Variants in KIF7 observed in about 807,000 individuals in gnomAD.
KIF7 encodes the protein kinesin-like protein KIF7.
KIF7 carries 104 observed loss-of-function variants against 135.7 expected under a neutral mutation model. The observed-to-expected ratio is 0.77, with a 90% CI of 0.65 to 0.90. The LOEUF (loss-of-function observed/expected upper bound fraction) is 0.90, where lower values mean the gene tolerates loss of function less well. Among genes scored for constraint, KIF7 ranks in the 40% least tolerant of loss-of-function variants. The probability of loss-of-function intolerance (pLI) is 0.00; values close to 1 mark genes in which losing one functional copy is unlikely to be tolerated. For missense variants in KIF7, 2,005 were observed against 1,839.1 expected (o/e 1.09, Z -1.65); for synonymous variants, 883 against 809.4 (o/e 1.09, Z -1.54).
At chr15:89,627,116 A>G (rs748870131), downstream of KIF7, 3 of 1,613,058 alleles carry the variant, frequency 1.9e-6, no homozygotes, top group South Asian at 1.1e-5. Flanking sequence ...CAAAAGATCA[A>G]GGAGTCAGCC....
At chr15:89,621,522 T>C (rs748339242) in intron 1 of KIF7, 32 of 1,613,648 alleles carry the variant, frequency 2.0e-5, no homozygotes, top group Non-Finnish European at 2.6e-5. Flanking sequence ...AGAAACACTT[T>C]GGATTCGGAG....
intron 11 of KIF7, among the ~76,000 whole-genome samples, chr15:89,635,631 A>C (rs1262014663): frequency 6.6e-6 from 1 of 152,182 alleles, no homozygotes; most frequent in African/African-American, 2.4e-5. Context: ...TAGAGAAAAA[A>C]GAATAAAAAG....
downstream of KIF7, chr15:89,625,245 G>A: frequency 6.2e-7 from 1 of 1,613,642 alleles, no homozygotes; most frequent in Non-Finnish European, 8.5e-7. Context: ...ACATCTGCCA[G>A]GCCTGTACCC....
chr15:89,620,690 T>A (rs1963409253), intron 1 of KIF7, among the ~76,000 whole-genome samples: 1 of 152,156 alleles, frequency 6.6e-6, no homozygotes, highest in African/African-American at 2.4e-5. Context: ...CTTTCTTTTA[T>A]GAACTGGCTG....
chr15:89,629,260 A>T, intron 17 of KIF7, 115 bp downstream of exon 17: 1 of 941,088 alleles, frequency 1.1e-6, no homozygotes, highest in Non-Finnish European at 1.4e-6. Flanking sequence ...CTGTAGGTGC[A>T]GGGGCTGTGA....
the KIF7 span, among the ~76,000 whole-genome samples, chr15:89,661,360 A>G: frequency 1.3e-5 from 2 of 152,198 alleles, no homozygotes; most frequent in African/African-American, 2.4e-5. Flanking sequence ...ACTCAATCAT[A>G]TTGTATTGGG....
rs145389328 is a variant in KIF7, at chr15:89,642,592, C to T, written c.2192-187G>A. On this transcript the variant is annotated intron_variant, in intron 10 of 18. Transcript: ENST00000394412. ...AACTCTATTTATTTATTTATTGAGACGGAGTTTGCTCTTTTTGCCCAGGCT... is the reference window on the plus strand; with the variant it reads ...AACTCTATTTATTTATTTATTGAGATGGAGTTTGCTCTTTTTGCCCAGGCT... 4.7e-3 allele frequency among the ~76,000 whole-genome samples: 713 copies of T among 152,292 alleles called. 3 individuals are homozygous for T. Among genetic ancestry groups the T allele is most frequent in the Non-Finnish European group, 7.1e-3 (483 of 68,022 alleles).
At position 89,629,094 on chromosome 15, in the gene KIF7, G is replaced by C. The variant is rs750306469; in HGVS notation, c.3546C>G (p.Ser1182Arg). 1 of 1,612,698 alleles carries C rather than the reference G, an allele frequency of 6.2e-7. No homozygotes were observed. The highest frequency in any genetic ancestry group is 8.5e-7 in the Non-Finnish European group (1 of 1,179,828). The change falls in exon 18 of 19, where the codon AGC becomes AGG. Residue 1182 changes from serine to arginine, a missense_variant. Transcript: ENST00000394412. ...GAATCCGGGCCTCATACTGCCTCCTGCTGTCTGCTAACCCTTCACCGAGGT... is the reference window on the plus strand; with the variant it reads ...GAATCCGGGCCTCATACTGCCTCCTCCTGTCTGCTAACCCTTCACCGAGGT... ...RDHLGEGLAD[S>R]RRQYEARIQA... is the part of the protein sequence containing the mutation.
chr15:89,648,889 A>T (rs1285944023), intron 4 of KIF7, 85 bp downstream of exon 4: 1 of 1,461,518 alleles, frequency 6.8e-7, no homozygotes, highest in East Asian at 2.5e-5. Context: ...ACCTCAGGGG[A>T]CCTGGGCTTC....
chr15:89,620,134 T>C (rs1963400939), intron 1 of KIF7, among the ~76,000 whole-genome samples: 2 of 152,220 alleles, frequency 1.3e-5, no homozygotes, highest in African/African-American at 4.8e-5. Flanking sequence ...ATCATTATCT[T>C]AGGTGGAAGG....
rs772823208 is a variant in KIF7, at chr15:89,646,043, T to C, written c.1789-17A>G. On this transcript the variant is annotated splice_polypyrimidine_tract_variant and intron_variant, in intron 7 of 18. Transcript: ENST00000394412. The stretch of plus-strand genomic sequence containing the variant: ...TGTCACCTGCTAGGGGAGTGAGCCA[T>C]TTCCCATCCCAAGTCATCATCCCTG... 25 of 1,613,330 alleles carry C rather than the reference T, an allele frequency of 1.5e-5. No homozygotes were observed. The South Asian group carries it at 1.8e-4, about 11-fold the overall frequency.
Position 89,648,263 on chromosome 15 carries a change from C to T in KIF7, c.1435G>A (p.Gly479Arg). The change falls in exon 5 of 19, where the codon GGG (glycine) becomes AGG (arginine). Residue 479 changes from glycine to arginine, a missense_variant. Transcript: ENST00000394412. ...VEDQAAQGAG[G>R]RKEDEGAQQL... is the part of the protein sequence containing the mutation. Reference sequence around the variant, plus strand: ...ACCTGTCCCTCGGCCACCTTTCGCCCGCCGGCCCCCTGCGCCGCCTGGTCC... The same window carrying T: ...ACCTGTCCCTCGGCCACCTTTCGCCTGCCGGCCCCCTGCGCCGCCTGGTCC... The T allele has an allele frequency of 2.0e-6, 3 of 1,516,756 alleles. No homozygotes were observed. The highest frequency in any genetic ancestry group is 1.2e-5 in the South Asian group (1 of 83,196). 94.0% of individuals were successfully genotyped at this position (1,516,756 alleles called of 1,614,324 possible).
upstream of KIF7, among the ~76,000 whole-genome samples, chr15:89,657,731 T>C (rs1964222161): frequency 6.6e-6 from 1 of 152,218 alleles, no homozygotes; most frequent in Non-Finnish European, 1.5e-5. Context: ...ACCAGCCAAC[T>C]TGTGACATCA....
chr15:89,642,242 C>G lies in KIF7; in HGVS notation c.2355G>C (p.Glu785Asp), dbSNP rs529209853. Residue 785 changes from glutamate (E) to aspartate (D), a missense_variant, in exon 11 of 19, where the codon GAG (glutamate) becomes GAC (aspartate). By Grantham distance (45) the Glu-to-Asp change is conservative (BLOSUM62 2). Coordinates refer to ENST00000394412, the MANE Select transcript of KIF7 (RefSeq NM_198525.3). ...GGGCCGCAGCGACCCTCCTGCGGAA[C>G]TCCTGGAGCCGAGACCGCTCGCCAG... ...QDAGERSRLQ[E>D]FRRRVAAAQS... 2.5e-6 allele frequency: 4 copies of G among 1,610,552 alleles called. No individual in the cohort carries two copies. In the South Asian group the frequency reaches 4.4e-5, roughly 18 times the overall value.
downstream of KIF7, chr15:89,624,429 CCCT>C (rs746644552): frequency 6.8e-6 from 11 of 1,614,176 alleles, no homozygotes; most frequent in South Asian, 5.5e-5. Context: ...TGGACACCGT[CCCT>C]CCTCCACCCC....
chr15:89,626,168 TG>T, downstream of KIF7: 3 of 1,352,648 alleles, frequency 2.2e-6, no homozygotes, highest in Non-Finnish European at 3.0e-6. Context: ...GTGCCAAGTG[TG>T]GGATAGGTGA....
intron 16 of KIF7, 34 bp from the exon 17 acceptor site, chr15:89,629,607 CATG>C (rs1421846462): frequency 3.7e-6 from 6 of 1,600,418 alleles, no homozygotes; most frequent in Non-Finnish European, 5.1e-6. Context: ...CAGCCCTCAT[CATG>C]ACCCCTCTTC....
rs931538996 is a variant in KIF7 at position 89,649,381 on chromosome 15, A to C, written c.530-14T>G. 16 of 1,448,242 alleles carry C rather than the reference A, an allele frequency of 1.1e-5. No individual in the cohort carries two copies. Among genetic ancestry groups the C allele is most frequent in the Non-Finnish European group, 1.5e-5 (16 of 1,098,096 alleles). 89.7% of individuals were successfully genotyped at this position (1,448,242 alleles called of 1,614,324 possible). On this transcript the variant is annotated splice_polypyrimidine_tract_variant and intron_variant, in intron 3 of 18. Transcript: ENST00000394412. ...CCCCGCACAGCACTGCGGGCACAGA[A>C]GGCCGTGAGCCCCAGGGCAGGGGCC...
Position 89,646,950 on chromosome 15 carries a change from G to T in KIF7, c.1668C>A (p.Pro556=), listed in dbSNP as rs559627458. 3 of 1,613,812 alleles carry T rather than the reference G, an allele frequency of 1.9e-6. No homozygotes were observed. Among genetic ancestry groups the T allele is most frequent in the Non-Finnish European group, 2.5e-6 (3 of 1,179,926 alleles). ...GGPRLLNGLP[P]GSFVPRPHTA... is the part of the protein sequence containing the mutation. ...TATGAGGTCGAGGCACAAAGGACCC[G>T]GGAGGCAGGCCATTCAGGAGCCGCG... Residue 556 remains proline, a synonymous_variant, in exon 7 of 19, where the codon CCC becomes CCA. Coordinates refer to ENST00000394412, the MANE Select transcript of KIF7 (RefSeq NM_198525.3).
Sources: gnomAD v4.1 joint callset for allele counts (sites outside exome capture counted in the v4.1 genomes callset) on GRCh38, gnomAD v4.1.1 for gene constraint, MANE v1.5 for transcripts, NCBI Gene and HGNC (gene_info 2026-07-23, HGNC 2026-07-21) for gene names.